STX8: variants seen among roughly 807,000 people sequenced by gnomAD.
The protein encoded by STX8 is syntaxin-8.
Under a neutral mutation model 37.5 loss-of-function variants are expected in STX8, and 23 were observed. That is an observed-to-expected ratio of 0.61 (90% CI 0.44 to 0.87). The LOEUF is 0.87. STX8 is among the 40% of genes least tolerant of loss of function. The probability of loss-of-function intolerance (pLI) is 0.00; values close to 1 mark genes in which losing one functional copy is unlikely to be tolerated. For missense variants in STX8, 313 were observed against 284.7 expected (o/e 1.10, Z -0.71); for synonymous variants, 115 against 99.1 (o/e 1.16, Z -0.95).
chr17:9,509,928 T>C (rs1208909285), intron 4 of STX8, among the ~76,000 whole-genome samples: 4 of 147,196 alleles, frequency 2.7e-5, no homozygotes, highest in South Asian at 2.1e-4. Context: ...AAAGCAAAGG[T>C]ATGGAAAAAG....
At chr17:9,266,818 G>T (rs1907247759) in intron 7 of STX8, among the ~76,000 whole-genome samples, 1 of 152,132 alleles carries the variant, frequency 6.6e-6, no homozygotes, top group Non-Finnish European at 1.5e-5. Context: ...AAAAATAAGG[G>T]GCTGATGAGA....
At chr17:9,550,139 G>A (rs1906705923) in intron 3 of STX8, among the ~76,000 whole-genome samples, 1 of 151,966 alleles carries the variant, frequency 6.6e-6, no homozygotes, top group African/African-American at 2.4e-5. Flanking sequence ...CAGGAGAATC[G>A]CTGGAACCCG....
At chr17:9,342,460 C>T (rs1267327380) in intron 7 of STX8, among the ~76,000 whole-genome samples, 5 of 152,086 alleles carry the variant, frequency 3.3e-5, no homozygotes, top group South Asian at 2.1e-4. Flanking sequence ...GAGCCCTAAG[C>T]GTGCAAGACA....
chr17:9,266,361 A>G (rs1370533503), intron 7 of STX8, among the ~76,000 whole-genome samples: 1 of 152,190 alleles, frequency 6.6e-6, no homozygotes, highest in African/African-American at 2.4e-5. Context: ...CCTCCTGGAC[A>G]GCAGCTCTTC....
rs545902040 is a variant in STX8, at chr17:9,459,495, A to G, written c.541+32334T>C. ...CGTATCTTGTGTACCACAGACGGGA[A>G]GCTCACAGGAAGCAAATGGGAAATA... On this transcript the variant is annotated intron_variant, in intron 6 of 7. Transcript: ENST00000306357. Among the ~76,000 whole-genome samples, 22 of 152,342 alleles carry G rather than the reference A, an allele frequency of 1.4e-4. No homozygotes were observed. The South Asian group carries it at 2.3e-3, about 16-fold the overall frequency.
chr17:9,257,330 G>A (rs191426301), intron 7 of STX8, among the ~76,000 whole-genome samples: 4 of 152,258 alleles, frequency 2.6e-5, no homozygotes, highest in East Asian at 3.9e-4. Context: ...CTGAAGACTC[G>A]TCATCTGGAG....
chr17:9,559,756 A>ATT (rs1214621506), intron 2 of STX8, among the ~76,000 whole-genome samples: 4,727 of 30,370 alleles, frequency 0.16, 301 homozygotes, highest in South Asian at 0.19. Flanking sequence ...ATATATATAT[A>ATT]TATATTTTTT....
chr17:9,300,331 C>CA (rs3060137), intron 7 of STX8, among the ~76,000 whole-genome samples: 13,331 of 69,302 alleles, frequency 0.19, 1,484 homozygotes, highest in East Asian at 0.27. Flanking sequence ...AACTCCATCT[C>CA]AAAAAAAAAA....
At chr17:9,515,164 T>C (rs1394496670) in intron 4 of STX8, among the ~76,000 whole-genome samples, 1 of 152,240 alleles carries the variant, frequency 6.6e-6, no homozygotes, top group Non-Finnish European at 1.5e-5. Context: ...GTGTGCAAAC[T>C]GTCTAATGTC....
Position 9,403,682 on chromosome 17 carries a change from T to G in STX8, c.542-25029A>C, listed in dbSNP as rs1053939791. ...TTTCCCCTGAGATGGAGTCTCGCTC[T>G]GTCGCCCAGGCTGGAGTCCAGTGGC... is the stretch of plus-strand genomic sequence containing the variant. On this transcript the variant is annotated intron_variant, in intron 6 of 7. Transcript: ENST00000306357. Among the ~76,000 whole-genome samples the G allele has an allele frequency of 3.3e-5, 5 of 152,210 alleles. No individual in the cohort carries two copies. In the East Asian group the frequency reaches 9.6e-4, roughly 29 times the overall value.
intron 6 of STX8, among the ~76,000 whole-genome samples, chr17:9,436,017 A>C (rs1307639583): frequency 1.3e-5 from 2 of 152,190 alleles, no homozygotes; most frequent in South Asian, 4.1e-4. Flanking sequence ...AGCTACAGCC[A>C]AAAGGGATAT....
At chr17:9,559,734 T>TTATATATATATATATATATATATA (rs1009971082) in intron 2 of STX8, among the ~76,000 whole-genome samples, 2 of 48,752 alleles carry the variant, frequency 4.1e-5, no homozygotes, top group African/African-American at 1.4e-4. Flanking sequence ...TATTATTATT[T>TTATATATATATATATATATATATA]TATATATATA....
chr17:9,349,201 A>G (rs1407461405), intron 7 of STX8, among the ~76,000 whole-genome samples: 1 of 152,012 alleles, frequency 6.6e-6, no homozygotes. Context: ...CATGTTGGCC[A>G]GGCCGGTCTC....
intron 4 of STX8, among the ~76,000 whole-genome samples, chr17:9,536,493 A>G (rs1319235253): frequency 1.3e-5 from 2 of 152,176 alleles, no homozygotes; most frequent in Non-Finnish European, 2.9e-5. Flanking sequence ...CAACTGCTAT[A>G]CTAGTCTAGA....
rs551741123 is a variant in STX8 at position 9,259,914 on chromosome 17, C to T, written c.644-9269G>A. Among the ~76,000 whole-genome samples the T allele has an allele frequency of 5.5e-4, 83 of 152,178 alleles. No individual in the cohort carries two copies. The South Asian group carries it at 0.011, about 21-fold the overall frequency. On this transcript the variant is annotated intron_variant, in intron 7 of 7. Coordinates refer to ENST00000306357, the MANE Select transcript of STX8 (RefSeq NM_004853.3). ...GCATAAATAACAATAATAATAATGACGATGAAAATAATAGTCATAGTGTCC... is the reference window on the plus strand; with the variant it reads ...GCATAAATAACAATAATAATAATGATGATGAAAATAATAGTCATAGTGTCC...
At chr17:9,266,502 C>T (rs1907236847) in intron 7 of STX8, among the ~76,000 whole-genome samples, 1 of 152,074 alleles carries the variant, frequency 6.6e-6, no homozygotes, top group African/African-American at 2.4e-5. Flanking sequence ...GTGTTGGCCA[C>T]CAGCTGGTGG....
rs1208016022 is a variant in STX8 at position 9,275,694 on chromosome 17, C to A, written c.644-25049G>T. Among the ~76,000 whole-genome samples, 3 of 151,800 alleles carry A rather than the reference C, an allele frequency of 2.0e-5. No homozygotes were observed. In the East Asian group the frequency reaches 5.8e-4, roughly 29 times the overall value. On this transcript the variant is annotated intron_variant, in intron 7 of 7. Coordinates refer to ENST00000306357, the MANE Select transcript of STX8 (RefSeq NM_004853.3). ...ATCAGCCTGACCAACATGGAGAAAC[C>A]CCGTCTCTAGTAAAAATACAAAAAT...
intron 6 of STX8, among the ~76,000 whole-genome samples, chr17:9,453,365 T>C (rs983559471): frequency 2.6e-5 from 4 of 152,128 alleles, no homozygotes; most frequent in African/African-American, 9.7e-5. Context: ...TAACACCAAT[T>C]TATAATCTAA....
intron 3 of STX8, among the ~76,000 whole-genome samples, chr17:9,549,610 G>A (rs992179323): frequency 7.9e-5 from 12 of 152,238 alleles, no homozygotes; most frequent in South Asian, 4.1e-4. Context: ...CTGGGAGTAC[G>A]AATTCAGAAT....
Sources: allele counts gnomAD v4.1 joint callset (sites outside exome capture counted in the v4.1 genomes callset), GRCh38; gene constraint gnomAD v4.1.1; transcripts MANE v1.5; gene names NCBI Gene and HGNC (gene_info 2026-07-23, HGNC 2026-07-21).